The following CACNA2D3 variants were observed in gnomAD, a reference collection of about 807,000 sequenced individuals.
CACNA2D3 encodes calcium voltage-gated channel auxiliary subunit alpha2delta 3.
A neutral mutation model predicts 160.6 loss-of-function variants in CACNA2D3; 60 were observed. The observed-to-expected ratio is 0.37, with a 90% CI of 0.30 to 0.46. The LOEUF is 0.46. CACNA2D3 is among the 20% of genes least tolerant of loss of function. The pLI is 1.00. For synonymous variants in CACNA2D3, 558 were observed against 492.9 expected (o/e 1.13, Z -1.75); for missense variants, 1,205 against 1,365.0 (o/e 0.88, Z 1.85).
intron 13 of CACNA2D3, among the ~76,000 whole-genome samples, chr3:54,798,247 G>A (rs2106663863): frequency 6.6e-6 from 1 of 152,226 alleles, no homozygotes; most frequent in South Asian, 2.1e-4. Flanking sequence ...TGAAAAGAAT[G>A]GACCAGGCTG....
At chr3:54,823,746 T>C (rs897803158) in intron 14 of CACNA2D3, among the ~76,000 whole-genome samples, 2 of 152,190 alleles carry the variant, frequency 1.3e-5, no homozygotes, top group Non-Finnish European at 1.5e-5. Context: ...TGTGTGTGTG[T>C]GCGTGTGTGT....
intron 27 of CACNA2D3, among the ~76,000 whole-genome samples, chr3:54,923,034 C>T (rs187366814): frequency 1.8e-4 from 28 of 152,316 alleles, no homozygotes; most frequent in African/African-American, 6.5e-4. Context: ...CCATCATCTT[C>T]GCTGGCTGAC....
intron 2 of CACNA2D3, among the ~76,000 whole-genome samples, chr3:54,250,279 G>A (rs1173020078): frequency 6.6e-6 from 1 of 152,148 alleles, no homozygotes; most frequent in Non-Finnish European, 1.5e-5. Flanking sequence ...GTTGATGAGA[G>A]AGTAGATTTT....
intron 11 of CACNA2D3, among the ~76,000 whole-genome samples, chr3:54,663,612 A>G (rs1436610331): frequency 6.6e-6 from 1 of 152,236 alleles, no homozygotes; most frequent in Non-Finnish European, 1.5e-5. Flanking sequence ...GAAGACAACT[A>G]AATGCATTTA....
chr3:54,271,163 C>T (rs1368658844), intron 2 of CACNA2D3, among the ~76,000 whole-genome samples: 1 of 152,122 alleles, frequency 6.6e-6, no homozygotes, highest in Non-Finnish European at 1.5e-5. Flanking sequence ...GCAGTGGGCA[C>T]GTTTCCTGGG....
At chr3:55,014,616 C>T (rs908971836) in intron 34 of CACNA2D3, among the ~76,000 whole-genome samples, 22 of 152,216 alleles carry the variant, frequency 1.4e-4, no homozygotes, top group South Asian at 6.2e-4. Context: ...CCTGTAATCC[C>T]AGCTACTTGG....
At chr3:54,770,309 T>C (rs996322149) in intron 13 of CACNA2D3, among the ~76,000 whole-genome samples, 1 of 152,210 alleles carries the variant, frequency 6.6e-6, no homozygotes, top group African/African-American at 2.4e-5. Flanking sequence ...CTACACATGA[T>C]GTTAACATCA....
At chr3:54,292,370 ACTAT>A (rs1183198931) in intron 2 of CACNA2D3, among the ~76,000 whole-genome samples, 2 of 152,220 alleles carry the variant, frequency 1.3e-5, no homozygotes, top group South Asian at 2.1e-4. Context: ...TTTCAAGAAC[ACTAT>A]CAAGAAAGTG....
intron 27 of CACNA2D3, among the ~76,000 whole-genome samples, chr3:54,902,922 C>T (rs1700371500): frequency 6.6e-6 from 1 of 152,192 alleles, no homozygotes; most frequent in African/African-American, 2.4e-5. Context: ...GTGGCATATT[C>T]ATTCATTCAA....
At chr3:54,802,766 C>A (rs551724944) in intron 13 of CACNA2D3, among the ~76,000 whole-genome samples, 1 of 152,260 alleles carries the variant, frequency 6.6e-6, no homozygotes, top group South Asian at 2.1e-4. Flanking sequence ...CAAGTGGGTC[C>A]CTGACCCCTG....
intron 11 of CACNA2D3, among the ~76,000 whole-genome samples, chr3:54,722,660 G>T (rs549299648): frequency 6.6e-6 from 1 of 152,260 alleles, no homozygotes; most frequent in South Asian, 2.1e-4. Context: ...CTCAGCTGCC[G>T]CCCTGCTGGA....
At position 54,555,141 on chromosome 3, in the gene CACNA2D3, G is replaced by GT. The variant is rs1285964345; in HGVS notation, c.545-7657dup. 2.0e-5 allele frequency among the ~76,000 whole-genome samples: 3 copies of GT among 152,054 alleles called. No homozygotes were observed. The East Asian group carries it at 5.8e-4, about 29-fold the overall frequency. ...TCCACCCACCTTGACCTCCCAAAGT[G>GT]TTGAGATTACAGGTGTGAGCCAGTG... On this transcript the variant is annotated intron_variant, in intron 5 of 37. Coordinates refer to ENST00000474759, the MANE Select transcript of CACNA2D3 (RefSeq NM_018398.3).
At chr3:55,018,157 A>C in intron 34 of CACNA2D3, 49 bp from the exon 35 acceptor site, 1 of 1,194,362 alleles carries the variant, frequency 8.4e-7, no homozygotes, top group Non-Finnish European at 1.2e-6. Flanking sequence ...CACAATTTTG[A>C]GCCTGTGCCT....
Position 54,984,659 on chromosome 3 carries a change from G to C in CACNA2D3, c.2608G>C (p.Asp870His), listed in dbSNP as rs1356624661. ...TAATGGATTTATTTTGGTGTCTGAA[G>C]ACTACACACAGGTGAGTGAAAATTT... ...DNNGFILVSE[D>H]YTQTGDFFGE... is the part of the protein sequence containing the mutation. Residue 870 changes from aspartate (D) to histidine (H), a missense_variant, in exon 30 of 38, where the codon GAC becomes CAC. By Grantham distance (81) the Asp-to-His change is moderately conservative. Transcript: ENST00000474759. The C allele has an allele frequency of 6.4e-7, 1 of 1,562,850 alleles. No homozygotes were observed.
intron 5 of CACNA2D3, among the ~76,000 whole-genome samples, chr3:54,526,003 T>A (rs1295267828): frequency 6.7e-6 from 1 of 149,190 alleles, no homozygotes; most frequent in Non-Finnish European, 1.5e-5. Context: ...GTCTCACATC[T>A]GAGCTCTGTT....
chr3:54,752,382 A>G (rs1701874674), intron 11 of CACNA2D3, among the ~76,000 whole-genome samples: 1 of 152,198 alleles, frequency 6.6e-6, no homozygotes, highest in Non-Finnish European at 1.5e-5. Flanking sequence ...GCACCAAAAA[A>G]CAACCACCAC....
intron 13 of CACNA2D3, among the ~76,000 whole-genome samples, chr3:54,769,693 T>A (rs1365689980): frequency 6.6e-6 from 1 of 152,226 alleles, no homozygotes; most frequent in African/African-American, 2.4e-5. Context: ...AGTGTGAGTT[T>A]ATTTCCTGGG....
At chr3:54,833,987 T>C (rs947145996) in intron 14 of CACNA2D3, among the ~76,000 whole-genome samples, 1 of 152,172 alleles carries the variant, frequency 6.6e-6, no homozygotes, top group Non-Finnish European at 1.5e-5. Context: ...TTTCCTTTGT[T>C]TACCTGGGGC....
chr3:54,622,926 C>T (rs1699020634), intron 9 of CACNA2D3, among the ~76,000 whole-genome samples: 1 of 152,156 alleles, frequency 6.6e-6, no homozygotes, highest in South Asian at 2.1e-4. Flanking sequence ...AGCACAGGCG[C>T]GGTAAACCGA....
Sources: allele counts gnomAD v4.1 joint callset (sites outside exome capture counted in the v4.1 genomes callset), GRCh38; gene constraint gnomAD v4.1.1; transcripts MANE v1.5; gene names NCBI Gene and HGNC (gene_info 2026-07-23, HGNC 2026-07-21).